The following ARMC10 variants were observed in gnomAD, a reference collection of about 807,000 sequenced individuals.
ARMC10 encodes armadillo repeat-containing protein 10.
ARMC10 carries 23 observed loss-of-function variants against 30.2 expected under a neutral mutation model. The observed-to-expected ratio is 0.76, with a 90% CI of 0.55 to 1.08. The LOEUF (loss-of-function observed/expected upper bound fraction) is 1.08, where lower values mean the gene tolerates loss of function less well. Ranked by LOEUF, ARMC10 falls within the 50% of genes least tolerant of loss-of-function variation. The pLI is 0.00. For missense variants in ARMC10, 303 were observed against 413.7 expected (o/e 0.73, Z 2.32); for synonymous variants, 111 against 164.4 (o/e 0.68, Z 2.48).
rs557964502 is a variant in ARMC10 at position 103,076,069 on chromosome 7, C to T, written c.244+188C>T. Among the ~76,000 whole-genome samples the T allele has an allele frequency of 3.9e-5, 6 of 152,300 alleles. No homozygotes were observed. The East Asian group carries it at 9.6e-4, about 24-fold the overall frequency. ...TATCTGCCATCCAAGAAACTCCTGT[C>T]CACAATTGTAGAAGAGAGCTAAACA... is the stretch of plus-strand genomic sequence containing the variant. On this transcript the variant is annotated intron_variant, in intron 2 of 6. Coordinates refer to ENST00000323716, the MANE Select transcript of ARMC10 (RefSeq NM_031905.5).
intron 3 of ARMC10, among the ~76,000 whole-genome samples, chr7:103,085,606 CTTTTTTT>C (rs10581217): frequency 2.3e-5 from 3 of 130,586 alleles, no homozygotes; most frequent in Non-Finnish European, 3.3e-5. Flanking sequence ...CATTTCTCTT[CTTTTTTT>C]TTTTTTTTTT....
rs1801813377 is a variant in ARMC10, at chr7:103,097,027, G to GA, written c.706-245dup. 6.0e-6 allele frequency: 3 copies of GA among 500,798 alleles called. No individual in the cohort carries two copies. The East Asian group carries it at 8.8e-5, about 15-fold the overall frequency. The allele number at this position is 500,798 out of a possible 1,614,324, so 31.0% of individuals were successfully genotyped here. On this transcript the variant is annotated intron_variant, in intron 5 of 6. Transcript: ENST00000323716. ...CTCTATCTCCCTAACGATGTAATTG[G>GA]AAAAATGAGGTTTAAATAACACTGT... is the stretch of plus-strand genomic sequence containing the variant.
chr7:103,099,758 CACTT>C (rs1379997184), exon 7 of ARMC10: 4 of 151,782 alleles, frequency 2.6e-5, no homozygotes, highest in Non-Finnish European at 2.9e-5. Context: ...GGAGAAAAAT[CACTT>C]ACAAGGTTAT....
intron 2 of ARMC10, among the ~76,000 whole-genome samples, chr7:103,081,488 C>T (rs1430547774): frequency 1.3e-5 from 2 of 152,324 alleles, no homozygotes; most frequent in Non-Finnish European, 2.9e-5. Context: ...TTTCCCGCCT[C>T]GGCCTCCCGA....
At position 103,075,768 on chromosome 7, in the gene ARMC10, T is replaced by A; in HGVS notation, c.140-9T>A. 6.3e-7 allele frequency: 1 copy of A among 1,599,632 alleles called. No homozygotes were observed. Among genetic ancestry groups the A allele is most frequent in the Non-Finnish European group, 8.5e-7 (1 of 1,172,896 alleles). On this transcript the variant is annotated splice_polypyrimidine_tract_variant and intron_variant, in intron 1 of 6. Transcript: ENST00000323716. Reference sequence around the variant, plus strand: ...GGGCCCAGAGCCATAGGTCAATCTCTGCTTGCAGGTGCCCTGGAAGAAGGG... The same window carrying A: ...GGGCCCAGAGCCATAGGTCAATCTCAGCTTGCAGGTGCCCTGGAAGAAGGG...
chr7:103,075,849 G>A lies in ARMC10; in HGVS notation c.212G>A (p.Trp71Ter). The change falls in exon 2 of 7, where the codon TGG (tryptophan) becomes TAG (stop). Residue 71 changes from tryptophan (W) to a stop codon, truncating the protein, a stop_gained. Transcript: ENST00000323716. LOFTEE classifies it high-confidence loss of function. ...RSARPQTGGT[W>*]ESQWSKTSQP... Reference sequence around the variant, plus strand: ...GCCCGGCCTCAGACGGGAGGTACCTGGGAGTCACAGTGGTCCAAGACCTCG... The same window carrying A: ...GCCCGGCCTCAGACGGGAGGTACCTAGGAGTCACAGTGGTCCAAGACCTCG... 6.2e-7 allele frequency: 1 copy of A among 1,610,834 alleles called. No homozygotes were observed. The highest frequency in any genetic ancestry group is 8.5e-7 in the Non-Finnish European group (1 of 1,178,684).
chr7:103,086,873 G>C (rs1167609530), intron 4 of ARMC10, 109 bp downstream of exon 4: 3 of 1,535,790 alleles, frequency 2.0e-6, no homozygotes, highest in Non-Finnish European at 1.8e-6. Context: ...TTACAGCCAA[G>C]GATTACCTTT....
Position 103,098,313 on chromosome 7 carries a change from C to T in ARMC10, c.792C>T (p.Phe264=), listed in dbSNP as rs758019515. ...GLLRAQVDSS[F]LSLYDSHVAK... ...TCATATTTCAGGTGGATTCATCATTCCTTTCCCTTTATGACAGCCACGTAG... is the reference window on the plus strand; with the variant it reads ...TCATATTTCAGGTGGATTCATCATTTCTTTCCCTTTATGACAGCCACGTAG... Residue 264 remains phenylalanine (F), a synonymous_variant, in exon 7 of 7, where the codon TTC becomes TTT. Coordinates refer to ENST00000323716, the MANE Select transcript of ARMC10 (RefSeq NM_031905.5). 2 of 1,586,498 alleles carry T rather than the reference C, an allele frequency of 1.3e-6. No homozygotes were observed. The highest frequency in any genetic ancestry group is 1.7e-6 in the Non-Finnish European group (2 of 1,168,242).
intron 3 of ARMC10, among the ~76,000 whole-genome samples, chr7:103,085,866 C>T (rs936826050): frequency 2.0e-5 from 3 of 152,092 alleles, no homozygotes; most frequent in African/African-American, 7.2e-5. Context: ...CCACTCATCT[C>T]GGCCTCCCAA....
rs14029 is a variant in ARMC10 at position 103,098,415 on chromosome 7, T to C, written c.894T>C (p.Ala298=). Residue 298 remains alanine, a synonymous_variant, in exon 7 of 7, where the codon GCT becomes GCC. Coordinates refer to ENST00000323716, the MANE Select transcript of ARMC10 (RefSeq NM_031905.5). ...GCCTCAAAATAGAAGGCCATTTAGC[T>C]GTGCAGCCTACTTTCACTGAAGGTT... ...KNCLKIEGHL[A]VQPTFTEGSL... is the part of the protein sequence containing the mutation. The C allele has an allele frequency of 0.069, 110,364 of 1,610,686 alleles. 1,581 individuals carry two copies. Among genetic ancestry groups the C allele is most frequent in the Middle Eastern group, 0.13 (764 of 6,038 alleles).
chr7:103,096,643 C>A, intron 5 of ARMC10: 1 of 152,660 alleles, frequency 6.6e-6, no homozygotes, highest in South Asian at 1.9e-4. Flanking sequence ...AGTGGCTGTT[C>A]ACAGGCACAA....
chr7:103,086,599 T>G (rs756892375), intron 3 of ARMC10, 31 bp from the exon 4 acceptor site: 3 of 1,573,644 alleles, frequency 1.9e-6, no homozygotes, highest in Non-Finnish European at 2.6e-6. Context: ...GAAGTCCCAG[T>G]CCTGCTTTTT....
chr7:103,085,289 T>C (rs1800739090), intron 3 of ARMC10, among the ~76,000 whole-genome samples: 1 of 152,076 alleles, frequency 6.6e-6, no homozygotes, highest in African/African-American at 2.4e-5. Context: ...TTCTAGTAAC[T>C]GCAAGTCCTT....
chr7:103,085,039 C>T (rs1489577574), intron 3 of ARMC10, among the ~76,000 whole-genome samples: 4 of 152,092 alleles, frequency 2.6e-5, no homozygotes, highest in African/African-American at 9.7e-5. Flanking sequence ...CATCTGCCCC[C>T]GTGGAAAGAG....
chr7:103,099,462 ACT>A lies in ARMC10; in HGVS notation c.*912_*913del, dbSNP rs1243910946. 1 of 144,534 alleles carries A rather than the reference ACT, an allele frequency of 6.9e-6. No individual in the cohort carries two copies. Among genetic ancestry groups the A allele is most frequent in the African/African-American group, 2.6e-5 (1 of 39,122 alleles). The allele number at this position is 144,534 out of a possible 1,614,324, so 9.0% of individuals were successfully genotyped here. ...CTCCAGCCTGGGCAACAAGAGCAAA[ACT>A]CTGTCTCAAAAAAAAAAAAAAATGA... On this transcript the variant is annotated 3_prime_UTR_variant, in exon 7 of 7. Transcript: ENST00000323716.
At chr7:103,091,491 T>C (rs1487872676) in intron 4 of ARMC10, among the ~76,000 whole-genome samples, 4 of 143,668 alleles carry the variant, frequency 2.8e-5, no homozygotes, top group African/African-American at 1.2e-4. Flanking sequence ...GGGTGAATTA[T>C]ATATATATAT....
At chr7:103,081,292 T>C (rs1800355811) in intron 2 of ARMC10, among the ~76,000 whole-genome samples, 1 of 152,338 alleles carries the variant, frequency 6.6e-6, no homozygotes, top group Admixed American at 6.5e-5. Context: ...ACCGTGAAAT[T>C]TTATCGTTAG....
At chr7:103,082,916 A>G (rs1160240415) in intron 2 of ARMC10, 3 of 359,154 alleles carry the variant, frequency 8.4e-6, no homozygotes, top group Admixed American at 3.7e-5. Flanking sequence ...CTATTATTCT[A>G]GGATCCTAGT....
At chr7:103,086,931 A>G (rs757452728) in intron 4 of ARMC10, 167 bp downstream of exon 4, 7 of 1,492,226 alleles carry the variant, frequency 4.7e-6, no homozygotes, top group South Asian at 3.6e-5. Flanking sequence ...GAACTAGCCA[A>G]TAAGAGGTAC....
Sources: allele counts gnomAD v4.1 joint callset (sites outside exome capture counted in the v4.1 genomes callset), GRCh38; gene constraint gnomAD v4.1.1; transcripts MANE v1.5; gene names NCBI Gene and HGNC (gene_info 2026-07-23, HGNC 2026-07-21).